The following RNF217 variants were observed in gnomAD, a reference collection of about 807,000 sequenced individuals.
RNF217 encodes the protein E3 ubiquitin-protein ligase RNF217.
RNF217 carries 31 observed loss-of-function variants against 57.8 expected under a neutral mutation model. The observed-to-expected ratio is 0.54, with a 90% CI of 0.40 to 0.72. The LOEUF (loss-of-function observed/expected upper bound fraction) is 0.72, where lower values mean the gene tolerates loss of function less well. Ranked by LOEUF, RNF217 falls within the 30% of genes least tolerant of loss-of-function variation. RNF217 has a pLI of 0.00. For synonymous variants in RNF217, 313 were observed against 294.0 expected (o/e 1.06, Z -0.66); for missense variants, 696 against 708.3 (o/e 0.98, Z 0.20).
chr6:125,070,227 T>C (rs1788084825), intron 3 of RNF217, among the ~76,000 whole-genome samples: 1 of 152,236 alleles, frequency 6.6e-6, no homozygotes, highest in South Asian at 2.1e-4. Context: ...GGTGTATATA[T>C]AGCATGTTTT....
intron 1 of RNF217, among the ~76,000 whole-genome samples, chr6:125,039,721 A>C (rs1204239620): frequency 6.6e-6 from 1 of 152,224 alleles, no homozygotes; most frequent in Non-Finnish European, 1.5e-5. Context: ...CAGCAAATGC[A>C]AAAGAACTGA....
chr6:125,057,202 G>GTC (rs1582760646), intron 2 of RNF217, among the ~76,000 whole-genome samples: 1 of 152,078 alleles, frequency 6.6e-6, no homozygotes, highest in South Asian at 2.1e-4. Context: ...TTTTGAGATG[G>GTC]TCTCTCTCTG....
intron 2 of RNF217, among the ~76,000 whole-genome samples, chr6:125,047,504 T>C (rs1787142845): frequency 6.6e-6 from 1 of 152,026 alleles, no homozygotes; most frequent in Admixed American, 6.6e-5. Flanking sequence ...TTCCCAGAGG[T>C]CAGGCTTCTC....
At chr6:125,068,559 G>C (rs1265003371) in intron 3 of RNF217, among the ~76,000 whole-genome samples, 1 of 152,146 alleles carries the variant, frequency 6.6e-6, no homozygotes, top group Non-Finnish European at 1.5e-5. Context: ...AGCTCCTTAA[G>C]GGCAGGAGCC....
chr6:125,039,649 G>T (rs1786795361), intron 1 of RNF217, among the ~76,000 whole-genome samples: 3 of 152,080 alleles, frequency 2.0e-5, no homozygotes, highest in African/African-American at 7.2e-5. Flanking sequence ...ATATACGTTT[G>T]TCTCAGTGCC....
Position 124,985,695 on chromosome 6 carries a change from A to C in RNF217, c.882+22269A>C, listed in dbSNP as rs745447888. Among the ~76,000 whole-genome samples, 138 of 152,154 alleles carry C rather than the reference A, an allele frequency of 9.1e-4. 2 individuals carry two copies. The highest frequency in any genetic ancestry group is 2.9e-4 in the Non-Finnish European group (20 of 68,018). On this transcript the variant is annotated intron_variant, in intron 1 of 5. Coordinates refer to ENST00000521654, the MANE Select transcript of RNF217 (RefSeq NM_001286398.3). The stretch of plus-strand genomic sequence containing the variant: ...AAAGCCACAATATATTGTTCAGAGA[A>C]ATGTGTATAGTATAGTAAAAAAAAC...
chr6:125,054,876 A>G (rs1442907871), intron 2 of RNF217, among the ~76,000 whole-genome samples: 2 of 152,118 alleles, frequency 1.3e-5, no homozygotes, highest in Non-Finnish European at 2.9e-5. Context: ...CTGCAACCAC[A>G]CTTTGAGCCA....
chr6:125,062,032 T>A (rs138609048), intron 3 of RNF217, among the ~76,000 whole-genome samples: 7 of 152,204 alleles, frequency 4.6e-5, no homozygotes, highest in Admixed American at 4.6e-4. Context: ...AATTATATCT[T>A]AAATTACAAT....
intron 1 of RNF217, among the ~76,000 whole-genome samples, chr6:124,991,510 T>C (rs1425508746): frequency 6.6e-6 from 1 of 152,320 alleles, no homozygotes; most frequent in Non-Finnish European, 1.5e-5. Flanking sequence ...CTTCTAATAA[T>C]GATGTGTTTT....
chr6:125,074,206 T>TA, intron 3 of RNF217, among the ~76,000 whole-genome samples: 1 of 152,258 alleles, frequency 6.6e-6, no homozygotes, highest in South Asian at 2.1e-4. Context: ...CCGCCTGTAA[T>TA]ATGCTGTGTT....
At chr6:125,056,842 A>G (rs897582126) in intron 2 of RNF217, among the ~76,000 whole-genome samples, 3 of 152,178 alleles carry the variant, frequency 2.0e-5, no homozygotes, top group African/African-American at 7.2e-5. Context: ...GAGTGGAAAT[A>G]ATGTGTATGA....
chr6:125,058,453 A>T (rs562477302), intron 3 of RNF217, among the ~76,000 whole-genome samples: 38 of 152,298 alleles, frequency 2.5e-4, no homozygotes, highest in Non-Finnish European at 4.1e-4. Context: ...CACGTGTACT[A>T]TAATTACTTC....
chr6:124,978,029 T>C (rs1052790822), intron 1 of RNF217, among the ~76,000 whole-genome samples: 1 of 151,988 alleles, frequency 6.6e-6, no homozygotes, highest in African/African-American at 2.4e-5. Context: ...ATACAAACAT[T>C]AAAAAAATAC....
At chr6:125,039,792 A>G (rs981776193) in intron 1 of RNF217, among the ~76,000 whole-genome samples, 4 of 152,144 alleles carry the variant, frequency 2.6e-5, no homozygotes, top group Non-Finnish European at 5.9e-5. Flanking sequence ...GGATTAAGAA[A>G]CTCACTCAAA....
intron 1 of RNF217, among the ~76,000 whole-genome samples, chr6:124,992,306 T>C (rs966217758): frequency 5.3e-5 from 8 of 152,170 alleles, no homozygotes; most frequent in African/African-American, 1.9e-4. Context: ...GGTGAAACCT[T>C]AAATACTGGT....
chr6:125,019,656 ATAATT>A lies in RNF217; in HGVS notation c.883-25552_883-25548del, dbSNP rs559070374. ...GATCATTTTCCACCAAATTAGACGA[ATAATT>A]TAGTTTCTCAAGTTCCATTTTTTTC... On this transcript the variant is annotated intron_variant, in intron 1 of 5. Transcript: ENST00000521654. Among the ~76,000 whole-genome samples, 18 of 152,230 alleles carry A rather than the reference ATAATT, an allele frequency of 1.2e-4. No individual in the cohort carries two copies. In the South Asian group the frequency reaches 3.7e-3, roughly 32 times the overall value.
chr6:125,007,225 ATTC>A lies in RNF217; in HGVS notation c.883-37980_883-37978del, dbSNP rs563632749. On this transcript the variant is annotated intron_variant, in intron 1 of 5. Transcript: ENST00000521654. ...GCCTTCTTCTTGCCTAATGGTTTCT[ATTC>A]TTCTTTTTTTCACTTTGAGCATTTT... Among the ~76,000 whole-genome samples the A allele has an allele frequency of 1.0e-3, 148 of 144,204 alleles. 1 individual carries two copies. The South Asian group carries it at 0.02, about 19-fold the overall frequency. 94.6% of individuals were successfully genotyped at this position (144,204 alleles called of 152,430 possible). A position where few individuals can be genotyped will look rare whatever the true frequency, so the allele number is the denominator to read the frequency against.
intron 2 of RNF217, among the ~76,000 whole-genome samples, chr6:125,052,838 C>T (rs759304705): frequency 1.3e-5 from 2 of 152,024 alleles, no homozygotes; most frequent in East Asian, 1.9e-4. Context: ...AGGACATACC[C>T]GAATCTGACA....
intron 1 of RNF217, among the ~76,000 whole-genome samples, chr6:124,992,547 G>A (rs2115046843): frequency 6.6e-6 from 1 of 152,162 alleles, no homozygotes. Flanking sequence ...TTGTTCTAGT[G>A]TATTATATAA....
Sources: allele counts gnomAD v4.1 joint callset (sites outside exome capture counted in the v4.1 genomes callset), GRCh38; gene constraint gnomAD v4.1.1; transcripts MANE v1.5; gene names NCBI Gene and HGNC (gene_info 2026-07-23, HGNC 2026-07-21).